Variants in GRIK4 observed in about 807,000 individuals in gnomAD.
The protein encoded by GRIK4 is glutamate receptor ionotropic, kainate 4.
In GRIK4, 40 loss-of-function variants were observed where a neutral mutation model predicts 104.9. The observed-to-expected ratio is 0.38, with a 90% CI of 0.30 to 0.50. GRIK4 has a LOEUF of 0.50. Among genes scored for constraint, GRIK4 ranks in the 20% least tolerant of loss-of-function variants. GRIK4 has a pLI of 0.93. For missense variants in GRIK4, 1,047 were observed against 1,308.1 expected, an observed-to-expected ratio of 0.80 and a Z score of 3.08; for synonymous variants, 485 against 524.9, an observed-to-expected ratio of 0.92 and a Z score of 1.04.
chr11:120,798,583 G>A (rs1952566116), intron 3 of GRIK4, among the ~76,000 whole-genome samples: 2 of 152,116 alleles, frequency 1.3e-5, no homozygotes, highest in South Asian at 2.1e-4. Flanking sequence ...GGGTTCAAGC[G>A]GTTCTCGTGC....
At chr11:120,866,317 AG>A (rs1391845105) in intron 9 of GRIK4, among the ~76,000 whole-genome samples, 1 of 152,188 alleles carries the variant, frequency 6.6e-6, no homozygotes, top group African/African-American at 2.4e-5. Context: ...TTCTTCCTGC[AG>A]AGGTCGGGGA....
intron 1 of GRIK4, among the ~76,000 whole-genome samples, chr11:120,515,548 C>T (rs1947715379): frequency 1.3e-5 from 2 of 152,322 alleles, no homozygotes; most frequent in South Asian, 2.1e-4. Context: ...GGCTGAGCCC[C>T]CTGCTCCTAC....
At chr11:120,691,379 A>C (rs992507532) in intron 3 of GRIK4, among the ~76,000 whole-genome samples, 3 of 152,204 alleles carry the variant, frequency 2.0e-5, no homozygotes, top group Non-Finnish European at 4.4e-5. Flanking sequence ...AGCCTTGTGC[A>C]AGACACTTCG....
At chr11:120,916,589 A>G (rs535056543) in intron 13 of GRIK4, among the ~76,000 whole-genome samples, 1 of 152,330 alleles carries the variant, frequency 6.6e-6, no homozygotes, top group Admixed American at 6.5e-5. Context: ...GAAATGCTCC[A>G]ATGTCTGAAA....
intron 3 of GRIK4, among the ~76,000 whole-genome samples, chr11:120,790,301 A>G (rs912597847): frequency 6.6e-6 from 1 of 152,232 alleles, no homozygotes; most frequent in African/African-American, 2.4e-5. Flanking sequence ...TGAATGCCTT[A>G]CCCATGTCAA....
chr11:120,800,163 T>G (rs1458903318), intron 3 of GRIK4, among the ~76,000 whole-genome samples: 1 of 152,132 alleles, frequency 6.6e-6, no homozygotes, highest in African/African-American at 2.4e-5. Flanking sequence ...CCCTATTATA[T>G]TTTTAATAGC....
At chr11:120,807,928 A>G (rs553727538) in intron 4 of GRIK4, among the ~76,000 whole-genome samples, 5 of 152,326 alleles carry the variant, frequency 3.3e-5, no homozygotes, top group Non-Finnish European at 7.3e-5. Flanking sequence ...AGAACGTGCC[A>G]ATGAGTGGCA....
At chr11:120,516,935 C>CTAGGATTGCTGCCTCGATTTCCGCCCTAT (rs879830172) in intron 1 of GRIK4, among the ~76,000 whole-genome samples, 3 of 149,906 alleles carry the variant, frequency 2.0e-5, no homozygotes, top group African/African-American at 5.0e-5. Context: ...CGTTCCTGGG[C>CTAGGATTGCTGCCTCGATTTCCGCCCTAT]AGCAGCCACT....
At chr11:120,878,557 A>ACACATAC (rs1486834594) in intron 11 of GRIK4, among the ~76,000 whole-genome samples, 1 of 152,080 alleles carries the variant, frequency 6.6e-6, no homozygotes, top group Non-Finnish European at 1.5e-5. Context: ...ACTCTAAGGG[A>ACACATAC]CACATACTCT....
Position 120,916,677 on chromosome 11 carries a change from C to T in GRIK4, c.1476+11184C>T, listed in dbSNP as rs539232492. ...ATGAAGGGTCGTAGTCAAAAACAGTCAAAACTTTGTTTCATGAACAAAATT... is the reference window on the plus strand; with the variant it reads ...ATGAAGGGTCGTAGTCAAAAACAGTTAAAACTTTGTTTCATGAACAAAATT... On this transcript the variant is annotated intron_variant, in intron 13 of 20. Coordinates refer to ENST00000527524, the MANE Select transcript of GRIK4 (RefSeq NM_014619.5). Among the ~76,000 whole-genome samples, 14 of 152,252 alleles carry T rather than the reference C, an allele frequency of 9.2e-5. No homozygotes were observed. The South Asian group carries it at 2.9e-3, about 32-fold the overall frequency.
intron 11 of GRIK4, among the ~76,000 whole-genome samples, chr11:120,896,021 A>T (rs1335110273): frequency 6.6e-6 from 1 of 152,188 alleles, no homozygotes; most frequent in Non-Finnish European, 1.5e-5. Flanking sequence ...CCCTAGCCTC[A>T]CCAACAACAG....
In GRIK4 at chr11:120,725,923, A is replaced by G. The variant is rs11217991; in HGVS notation, c.82+65523A>G. On this transcript the variant is annotated intron_variant, in intron 3 of 20. Transcript: ENST00000527524. ...GTGGTGGTGGGGGGTATACAGACAGACAATATTTTTATATACAAATAAATG... is the reference window on the plus strand; with the variant it reads ...GTGGTGGTGGGGGGTATACAGACAGGCAATATTTTTATATACAAATAAATG... Among the ~76,000 whole-genome samples, 644 of 152,330 alleles carry G rather than the reference A, an allele frequency of 4.2e-3. 4 individuals carry two copies. Among genetic ancestry groups the G allele is most frequent in the Non-Finnish European group, 5.2e-3 (354 of 68,030 alleles).
At chr11:120,643,358 G>T (rs1259994299) in intron 1 of GRIK4, among the ~76,000 whole-genome samples, 1 of 152,240 alleles carries the variant, frequency 6.6e-6, no homozygotes, top group East Asian at 1.9e-4. Flanking sequence ...CTAGGTCCAG[G>T]GCCCAGCTCA....
chr11:120,814,776 G>A (rs1235862347), intron 4 of GRIK4, among the ~76,000 whole-genome samples: 2 of 152,180 alleles, frequency 1.3e-5, no homozygotes. Flanking sequence ...GCTTCAGGAC[G>A]AAGTGAACGA....
At chr11:120,531,258 C>T (rs1018303147) in intron 1 of GRIK4, among the ~76,000 whole-genome samples, 5 of 152,232 alleles carry the variant, frequency 3.3e-5, no homozygotes, top group African/African-American at 1.2e-4. Context: ...CCAGAAAGAT[C>T]AAGAGTGAAA....
intron 1 of GRIK4, among the ~76,000 whole-genome samples, chr11:120,538,311 A>G (rs1947999390): frequency 6.6e-6 from 1 of 152,184 alleles, no homozygotes; most frequent in African/African-American, 2.4e-5. Context: ...AGGGGAGAAC[A>G]GTAGTTGACT....
Position 120,730,578 on chromosome 11 carries a change from G to GTT in GRIK4, c.82+70186_82+70187dup, listed in dbSNP as rs35206662. On this transcript the variant is annotated intron_variant, in intron 3 of 20. Coordinates refer to ENST00000527524, the MANE Select transcript of GRIK4 (RefSeq NM_014619.5). ...CTTTTGTGGTTCCATATACATTTTA[G>GTT]TTTTTTTTTCTATTTCCGTGAAGAA... Among the ~76,000 whole-genome samples the GTT allele has an allele frequency of 3.0e-3, 445 of 150,812 alleles. 1 individual carries two copies. Among genetic ancestry groups the GTT allele is most frequent in the African/African-American group, 0.01 (415 of 40,914 alleles).
chr11:120,906,960 A>G (rs1461171267), intron 13 of GRIK4, among the ~76,000 whole-genome samples: 1 of 152,190 alleles, frequency 6.6e-6, no homozygotes, highest in African/African-American at 2.4e-5. Flanking sequence ...CAGAAGGCCT[A>G]GGGAGCCCTG....
chr11:120,846,386 C>T (rs1231711043), intron 8 of GRIK4, among the ~76,000 whole-genome samples: 2 of 152,192 alleles, frequency 1.3e-5, no homozygotes, highest in Non-Finnish European at 2.9e-5. Flanking sequence ...AGGTCTGCGT[C>T]TATTAATGTG....
Sources: allele counts gnomAD v4.1 joint callset (sites outside exome capture counted in the v4.1 genomes callset), GRCh38; gene constraint gnomAD v4.1.1; transcripts MANE v1.5; gene names NCBI Gene and HGNC (gene_info 2026-07-23, HGNC 2026-07-21).